Variants in LRBA observed in about 807,000 individuals in gnomAD.
LRBA encodes the protein LPS responsive beige-like anchor protein.
In LRBA, 176 loss-of-function variants were observed where a neutral mutation model predicts 330.0. The observed-to-expected ratio is 0.53, with a 90% confidence interval of 0.47 to 0.60. The LOEUF (loss-of-function observed/expected upper bound fraction) is 0.60. LRBA is among the 20% of genes least tolerant of loss of function. The pLI is 0.00. For missense variants in LRBA, 3,259 were observed against 3,444.8 expected, an observed-to-expected ratio of 0.95 and a Z score of 1.35; for synonymous variants, 1,230 against 1,193.0, an observed-to-expected ratio of 1.03 and a Z score of -0.64.
At chr4:150,481,410 G>C (rs370910058) in intron 42 of LRBA, among the ~76,000 whole-genome samples, 46 of 152,194 alleles carry the variant, frequency 3.0e-4, no homozygotes, top group African/African-American at 1.1e-3. Flanking sequence ...TTGAGGAAGA[G>C]ATATAATTTA....
chr4:150,684,902 C>A (rs191765644), intron 36 of LRBA, among the ~76,000 whole-genome samples: 214 of 152,270 alleles, frequency 1.4e-3, no homozygotes, highest in Middle Eastern at 3.4e-3. Context: ...CCCACCACCA[C>A]CCCAGCAACA....
chr4:150,691,695 T>C (rs1417476376), intron 36 of LRBA, among the ~76,000 whole-genome samples: 1 of 152,208 alleles, frequency 6.6e-6, no homozygotes, highest in Non-Finnish European at 1.5e-5. Context: ...ATCCTACTCC[T>C]AGGTATTTCC....
chr4:150,842,529 GAA>G (rs1253018247), intron 28 of LRBA, among the ~76,000 whole-genome samples: 1 of 152,006 alleles, frequency 6.6e-6, no homozygotes, highest in Non-Finnish European at 1.5e-5. Context: ...CTGCCCAATG[GAA>G]AAAAAGTGAA....
At chr4:150,885,953 C>A (rs527771876) in intron 17 of LRBA, among the ~76,000 whole-genome samples, 7 of 151,648 alleles carry the variant, frequency 4.6e-5, no homozygotes, top group African/African-American at 1.7e-4. Context: ...AATAATAAAG[C>A]CCACCAAGAT....
At chr4:150,582,928 A>T in intron 40 of LRBA, 1 of 1,383,550 alleles carries the variant, frequency 7.2e-7, no homozygotes, top group Non-Finnish European at 9.8e-7. Flanking sequence ...CGGGGAGCGC[A>T]CCGCCTCTTT....
chr4:150,852,820 C>T lies in LRBA; in HGVS notation c.2890G>A (p.Asp964Asn). The T allele has an allele frequency of 6.2e-7, 1 of 1,613,992 alleles. No homozygotes were observed. Among genetic ancestry groups the T allele is most frequent in the Non-Finnish European group, 8.5e-7 (1 of 1,179,942 alleles). ...TGGGATCCTACTGAAACATTAATAT[C>T]CCTTCTAATGCCAGAGGCTGCTTGA... ...SVQAASGIRR[D>N]INVSVGSQQP... is the part of the protein sequence containing the mutation. The change falls in exon 23 of 57, where the codon GAT (aspartate) becomes AAT (asparagine). Residue 964 changes from aspartate (D) to asparagine (N), a missense_variant. Transcript: ENST00000651943.
intron 56 of LRBA, among the ~76,000 whole-genome samples, chr4:150,271,321 T>C (rs1746062389): frequency 6.6e-6 from 1 of 151,612 alleles, no homozygotes; most frequent in Admixed American, 6.6e-5. Context: ...GAGTTTTTTT[T>C]TTTTTTTCAT....
chr4:150,687,569 C>T (rs1007197533), intron 36 of LRBA, among the ~76,000 whole-genome samples: 1 of 152,052 alleles, frequency 6.6e-6, no homozygotes, highest in South Asian at 2.1e-4. Flanking sequence ...GGGAACAATT[C>T]TATTTTATGT....
At chr4:150,533,228 T>C (rs1364433175) in intron 40 of LRBA, among the ~76,000 whole-genome samples, 1 of 152,196 alleles carries the variant, frequency 6.6e-6, no homozygotes, top group Non-Finnish European at 1.5e-5. Context: ...TCACCCAGGC[T>C]GCAGGGCAGT....
At chr4:150,377,854 G>T (rs1013409404) in intron 47 of LRBA, among the ~76,000 whole-genome samples, 2 of 151,522 alleles carry the variant, frequency 1.3e-5, no homozygotes, top group Admixed American at 6.6e-5. Flanking sequence ...AGGCATGGTG[G>T]TAGGCACCTG....
intron 9 of LRBA, among the ~76,000 whole-genome samples, chr4:150,910,868 C>G (rs1731914496): frequency 6.6e-6 from 1 of 152,068 alleles, no homozygotes; most frequent in Non-Finnish European, 1.5e-5. Flanking sequence ...ACTCTTTTGC[C>G]TCCTTGGTGG....
rs1249450592 is a variant in LRBA at position 150,315,566 on chromosome 4, A to G, written c.7688T>C (p.Leu2563Pro). ...PYQLPVEIDPLIASNTGMHRR... is the reference protein window; with the variant it reads ...PYQLPVEIDPPIASNTGMHRR... ...GAGAGAAGGAAGTGACAGACCTATG[A>G]GAGGATCGATTTCCACTGGCAGCTG... The change falls in exon 51 of 57, where the codon CTC becomes CCC. Residue 2563 changes from leucine (L) to proline (P), a missense_variant. Leu to Pro is a moderately conservative substitution (Grantham distance 98). Transcript: ENST00000651943. The G allele has an allele frequency of 6.2e-7, 1 of 1,612,186 alleles. No homozygotes were observed. Among genetic ancestry groups the G allele is most frequent in the South Asian group, 1.1e-5 (1 of 90,992 alleles).
chr4:150,719,509 A>G (rs1041475046), intron 36 of LRBA, among the ~76,000 whole-genome samples: 17 of 152,154 alleles, frequency 1.1e-4, no homozygotes, highest in Non-Finnish European at 2.5e-4. Flanking sequence ...ATAACAAAAA[A>G]TAATTTTTAA....
intron 22 of LRBA, among the ~76,000 whole-genome samples, chr4:150,866,846 G>C (rs1194544500): frequency 1.3e-5 from 2 of 152,014 alleles, no homozygotes; most frequent in South Asian, 2.1e-4. Flanking sequence ...AATGCATTCA[G>C]TATGCCACAT....
chr4:150,951,015 G>C (rs1214943202), intron 2 of LRBA, among the ~76,000 whole-genome samples: 3 of 152,186 alleles, frequency 2.0e-5, no homozygotes, highest in Admixed American at 6.5e-5. Context: ...TAAACTGAAG[G>C]CTTCCAGCAG....
chr4:150,460,310 TGAA>T (rs1317299023), intron 44 of LRBA, among the ~76,000 whole-genome samples: 3 of 147,678 alleles, frequency 2.0e-5, no homozygotes, highest in Non-Finnish European at 3.0e-5. Context: ...AGGAGATACA[TGAA>T]GGAGAGAAAA....
intron 40 of LRBA, among the ~76,000 whole-genome samples, chr4:150,527,147 A>C (rs1763566906): frequency 1.3e-5 from 2 of 152,194 alleles, no homozygotes; most frequent in African/African-American, 4.8e-5. Flanking sequence ...CAATTTCTCC[A>C]AAATGAGATG....
At chr4:150,845,791 T>C (rs1293918425) in intron 26 of LRBA, among the ~76,000 whole-genome samples, 1 of 152,202 alleles carries the variant, frequency 6.6e-6, no homozygotes, top group Non-Finnish European at 1.5e-5. Context: ...AAATTTGCTA[T>C]CAGACCCAAG....
At chr4:150,926,645 T>C (rs1733915361) in intron 4 of LRBA, among the ~76,000 whole-genome samples, 1 of 152,034 alleles carries the variant, frequency 6.6e-6, no homozygotes, top group Admixed American at 6.6e-5. Flanking sequence ...AGTAAAAAAC[T>C]GACCTAGAAA....
Sources: gnomAD v4.1 joint callset for allele counts (sites outside exome capture counted in the v4.1 genomes callset) on GRCh38, gnomAD v4.1.1 for gene constraint, MANE v1.5 for transcripts, NCBI Gene and HGNC (gene_info 2026-07-23, HGNC 2026-07-21) for gene names.